Variants in XXYLT1 observed in about 807,000 individuals in gnomAD.
The protein encoded by XXYLT1 is UDP-xylose:alpha-xyloside alpha-1,3-xylosyltransferase.
A neutral mutation model predicts 28.9 loss-of-function variants in XXYLT1; 20 were observed. The ratio of observed to expected loss-of-function variants is 0.69; its 90% CI spans 0.49 to 1.00. The LOEUF is 1.00. Among genes scored for constraint, XXYLT1 ranks in the 50% least tolerant of loss-of-function variants. XXYLT1 has a pLI of 0.00. For synonymous variants in XXYLT1, 257 were observed against 253.8 expected, an observed-to-expected ratio of 1.01 and a Z score of -0.12; for missense variants, 542 against 560.1, an observed-to-expected ratio of 0.97 and a Z score of 0.33.
chr3:195,233,078 T>C (rs970965912), intron 1 of XXYLT1, among the ~76,000 whole-genome samples: 1 of 152,194 alleles, frequency 6.6e-6, no homozygotes, highest in Admixed American at 6.5e-5. Context: ...GATGCATATA[T>C]AACTGTTATA....
intron 1 of XXYLT1, among the ~76,000 whole-genome samples, chr3:195,238,148 C>T (rs991901703): frequency 7.2e-5 from 11 of 152,192 alleles, no homozygotes; most frequent in Non-Finnish European, 1.3e-4. Flanking sequence ...CCCCGTCCCC[C>T]GACCTCCCCG....
intron 3 of XXYLT1, among the ~76,000 whole-genome samples, chr3:195,075,622 G>A (rs60712049): frequency 0.087 from 13,312 of 152,208 alleles, 762 homozygotes; most frequent in East Asian, 0.3. Flanking sequence ...CAGGGCCCAC[G>A]TCCTCCAAGC....
At chr3:195,213,237 A>C (rs56835677) in intron 2 of XXYLT1, among the ~76,000 whole-genome samples, 11,188 of 151,532 alleles carry the variant, frequency 0.074, 639 homozygotes, top group African/African-American at 0.16. Context: ...TTATTACGCT[A>C]ATCTGAGGGC....
At chr3:195,110,269 G>A (rs1338577237) in intron 3 of XXYLT1, among the ~76,000 whole-genome samples, 5 of 36,842 alleles carry the variant, frequency 1.4e-4, no homozygotes, top group Admixed American at 3.3e-4. Flanking sequence ...GTGTGGGTGT[G>A]TGGTGTGTGT....
At chr3:195,222,062 AT>A (rs1232537641) in intron 2 of XXYLT1, among the ~76,000 whole-genome samples, 1 of 152,186 alleles carries the variant, frequency 6.6e-6, no homozygotes, top group Non-Finnish European at 1.5e-5. Flanking sequence ...GGCAAAACTC[AT>A]GGGTTTGACC....
intron 2 of XXYLT1, among the ~76,000 whole-genome samples, chr3:195,223,972 C>T (rs576622973): frequency 1.3e-5 from 2 of 152,150 alleles, no homozygotes; most frequent in African/African-American, 4.8e-5. Context: ...GCCTGACCAA[C>T]ATGGAGAAAC....
intron 3 of XXYLT1, among the ~76,000 whole-genome samples, chr3:195,113,605 T>G (rs548424976): frequency 7.2e-5 from 11 of 152,192 alleles, no homozygotes; most frequent in Non-Finnish European, 1.5e-4. Context: ...TTTTTCTCTT[T>G]AATCAGTTTT....
At chr3:195,245,586 T>C (rs1185963856) in intron 1 of XXYLT1, among the ~76,000 whole-genome samples, 1 of 152,148 alleles carries the variant, frequency 6.6e-6, no homozygotes, top group East Asian at 1.9e-4. Context: ...CTACGGGTGT[T>C]TGCCTCACGT....
chr3:195,124,166 GT>G lies in XXYLT1; in HGVS notation c.785+32282del, dbSNP rs1277958762. 6.6e-6 allele frequency among the ~76,000 whole-genome samples: 1 copy of G among 152,256 alleles called. No individual in the cohort carries two copies. Among genetic ancestry groups the G allele is most frequent in the Non-Finnish European group, 1.5e-5 (1 of 68,052 alleles). On this transcript the variant is annotated intron_variant, in intron 3 of 3. Transcript: ENST00000310380. This position sits in a 1 kb window ranked among gnomAD's most constrained non-coding sequence, Gnocchi z 4.1. ...TTCCATGGAACTCACCTCGAGAAGT[GT>G]GGGTCTAGACCACAGCCCTCATTTT...
chr3:195,093,713 A>G (rs977129584), intron 3 of XXYLT1: 1 of 152,136 alleles, frequency 6.6e-6, no homozygotes, highest in African/African-American at 2.4e-5. Context: ...AAATAAATAA[A>G]TAAAATTAGA....
intron 2 of XXYLT1, chr3:195,183,495 C>T (rs1334119170): frequency 6.6e-6 from 1 of 152,190 alleles, no homozygotes; most frequent in Non-Finnish European, 1.5e-5. Flanking sequence ...GGTATTTCTT[C>T]GTAGCGGTGT....
rs1715497412 is a variant in XXYLT1, at chr3:195,082,615, G to A, written c.786-12504C>T. Among the ~76,000 whole-genome samples, 2 of 152,344 alleles carry A rather than the reference G, an allele frequency of 1.3e-5. 1 individual carries two copies. The highest frequency in any genetic ancestry group is 2.9e-5 in the Non-Finnish European group (2 of 68,034). ...CGCCTGTAATCCCAGCACTTTGGGA[G>A]GCTGAGGCGGGTGGATCCCTTGAGG... On this transcript the variant is annotated intron_variant, in intron 3 of 3. Coordinates refer to ENST00000310380, the MANE Select transcript of XXYLT1 (RefSeq NM_152531.5).
At chr3:195,089,549 C>T (rs1442016627) in intron 3 of XXYLT1, among the ~76,000 whole-genome samples, 1 of 152,044 alleles carries the variant, frequency 6.6e-6, no homozygotes, top group African/African-American at 2.4e-5. Flanking sequence ...AAGGGAACAA[C>T]CGGTACCAGC....
Position 195,133,610 on chromosome 3 carries a change from G to A in XXYLT1, c.785+22839C>T, listed in dbSNP as rs576318142. ...TCTGCTACGCCTAACAAGCAGAGGC[G>A]GACGAGCTGCTGTGCCAAACGCTCC... On this transcript the variant is annotated intron_variant, in intron 3 of 3. Transcript: ENST00000310380. This position sits in a 1 kb window ranked among gnomAD's most constrained non-coding sequence, Gnocchi z 4.4. Among the ~76,000 whole-genome samples the A allele has an allele frequency of 9.2e-5, 14 of 152,296 alleles. No individual in the cohort carries two copies. The highest frequency in any genetic ancestry group is 3.9e-4 in the East Asian group (2 of 5,182).
chr3:195,238,466 AG>A (rs1361619129), intron 1 of XXYLT1, among the ~76,000 whole-genome samples: 2 of 152,224 alleles, frequency 1.3e-5, no homozygotes, highest in African/African-American at 4.8e-5. Context: ...TCGTAGGCAG[AG>A]GCCGTGACTG....
At chr3:195,253,503 CTTTTTTT>C (rs1231480044) in intron 1 of XXYLT1, among the ~76,000 whole-genome samples, 3 of 130,256 alleles carry the variant, frequency 2.3e-5, no homozygotes, top group South Asian at 4.8e-4. Flanking sequence ...CTTTTTTTTT[CTTTTTTT>C]TTTTTTTTTT....
chr3:195,253,039 ATTTACAGC>A (rs1725334919), intron 1 of XXYLT1, among the ~76,000 whole-genome samples: 1 of 152,140 alleles, frequency 6.6e-6, no homozygotes, highest in South Asian at 2.1e-4. Flanking sequence ...GTTGAATGAG[ATTTACAGC>A]TTTCCACTAC....
intron 3 of XXYLT1, among the ~76,000 whole-genome samples, chr3:195,071,206 C>T (rs897384657): frequency 2.0e-5 from 3 of 152,190 alleles, no homozygotes; most frequent in Non-Finnish European, 2.9e-5. Flanking sequence ...CAGGGACAGG[C>T]GTGGGAGTGG....
At chr3:195,260,814 T>A (rs919844842) in intron 1 of XXYLT1, among the ~76,000 whole-genome samples, 5 of 152,226 alleles carry the variant, frequency 3.3e-5, no homozygotes, top group Non-Finnish European at 7.3e-5. Flanking sequence ...GCTTCCTTCC[T>A]GTTCCGATGT....
Sources: gnomAD v4.1 joint callset for allele counts (sites outside exome capture counted in the v4.1 genomes callset) on GRCh38, gnomAD v4.1.1 for gene constraint, Gnocchi (gnomAD v3.1) non-coding constraint, MANE v1.5 for transcripts, NCBI Gene and HGNC (gene_info 2026-07-23, HGNC 2026-07-21) for gene names.